RGS7BP: variants seen among roughly 807,000 people sequenced by gnomAD.
The protein encoded by RGS7BP is regulator of G protein signaling 7 binding protein.
Under a neutral mutation model 31.3 loss-of-function variants are expected in RGS7BP, and 9 were observed. That is an observed-to-expected ratio of 0.29 (90% confidence interval 0.17 to 0.50). The LOEUF (loss-of-function observed/expected upper bound fraction) is 0.50, where lower values mean the gene tolerates loss of function less well. RGS7BP is among the 20% of genes least tolerant of loss of function. The pLI is 0.98. For missense variants in RGS7BP, 274 were observed against 322.0 expected, an observed-to-expected ratio of 0.85 and a Z score of 1.14; for synonymous variants, 115 against 120.1, an observed-to-expected ratio of 0.96 and a Z score of 0.28.
At chr5:64,571,137 TA>T (rs764859218) in intron 2 of RGS7BP, among the ~76,000 whole-genome samples, 29 of 152,300 alleles carry the variant, frequency 1.9e-4, no homozygotes, top group Non-Finnish European at 2.6e-4. Context: ...CCATCAGTTT[TA>T]CCTGTTCTAG....
chr5:64,606,504 ACT>A (rs1204978385), intron 5 of RGS7BP, among the ~76,000 whole-genome samples: 6 of 152,092 alleles, frequency 3.9e-5, no homozygotes, highest in Admixed American at 3.9e-4. Flanking sequence ...AGTTTTGGTG[ACT>A]CTGTTTTAGG....
chr5:64,511,752 G>C lies in RGS7BP; in HGVS notation c.332+3875G>C, dbSNP rs150174219. On this transcript the variant is annotated intron_variant, in intron 2 of 5. Coordinates refer to ENST00000334025, the MANE Select transcript of RGS7BP (RefSeq NM_001029875.3). ...TTGACAAAGAATACGTGAAGATTTTGGAGTCAGGCAGACCTGGAATGAGTG... is the reference window on the plus strand; with the variant it reads ...TTGACAAAGAATACGTGAAGATTTTCGAGTCAGGCAGACCTGGAATGAGTG... Among the ~76,000 whole-genome samples, 73 of 152,318 alleles carry C rather than the reference G, an allele frequency of 4.8e-4. 1 individual carries two copies. Among genetic ancestry groups the C allele is most frequent in the African/African-American group, 1.7e-3 (70 of 41,572 alleles).
At chr5:64,594,608 G>T in intron 3 of RGS7BP, 102 bp from the exon 4 acceptor site, 2 of 1,054,228 alleles carry the variant, frequency 1.9e-6, no homozygotes, top group South Asian at 2.9e-5. Context: ...TGGAACATTT[G>T]ACTCAAAGCA....
chr5:64,536,972 T>G (rs1741391963), intron 2 of RGS7BP, among the ~76,000 whole-genome samples: 1 of 152,224 alleles, frequency 6.6e-6, no homozygotes, highest in African/African-American at 2.4e-5. Flanking sequence ...GATTCTGCAC[T>G]AGGTGTGCAT....
At chr5:64,539,964 T>C (rs531851763) in intron 2 of RGS7BP, among the ~76,000 whole-genome samples, 1 of 152,318 alleles carries the variant, frequency 6.6e-6, no homozygotes, top group African/African-American at 2.4e-5. Flanking sequence ...TTCGTTCAAC[T>C]GATTTGCACA....
At chr5:64,543,825 T>A (rs541853713) in intron 2 of RGS7BP, among the ~76,000 whole-genome samples, 3 of 152,112 alleles carry the variant, frequency 2.0e-5, no homozygotes, top group East Asian at 1.9e-4. Flanking sequence ...CTATAAATAA[T>A]GAAAAGAAAA....
intron 2 of RGS7BP, among the ~76,000 whole-genome samples, chr5:64,543,702 G>A (rs1172204168): frequency 1.3e-5 from 2 of 152,206 alleles, no homozygotes; most frequent in Admixed American, 6.5e-5. Context: ...AAAATGACAG[G>A]TTGTAGGAGC....
intron 2 of RGS7BP, among the ~76,000 whole-genome samples, chr5:64,517,839 G>T (rs1749013821): frequency 1.3e-5 from 2 of 152,196 alleles, no homozygotes; most frequent in Admixed American, 6.5e-5. Flanking sequence ...GATAGAGCCT[G>T]CAAGGAGTAT....
chr5:64,581,384 C>G (rs1742593043), intron 3 of RGS7BP, among the ~76,000 whole-genome samples: 1 of 152,104 alleles, frequency 6.6e-6, no homozygotes, highest in Non-Finnish European at 1.5e-5. Context: ...AGTCTCTAGT[C>G]AATTTTTCAT....
chr5:64,550,706 A>G (rs1741772300), intron 2 of RGS7BP, among the ~76,000 whole-genome samples: 1 of 150,234 alleles, frequency 6.7e-6, no homozygotes, highest in African/African-American at 2.5e-5. Flanking sequence ...CATTAGGTAT[A>G]TCTCCTAATG....
intron 3 of RGS7BP, among the ~76,000 whole-genome samples, chr5:64,591,885 A>G (rs1742928129): frequency 6.6e-6 from 1 of 152,192 alleles, no homozygotes; most frequent in African/African-American, 2.4e-5. Context: ...TTGGTAGTAG[A>G]CTTATAGAAT....
intron 3 of RGS7BP, among the ~76,000 whole-genome samples, 187 bp from the exon 4 acceptor site, chr5:64,594,523 C>G (rs1743009690): frequency 6.6e-6 from 1 of 152,142 alleles, no homozygotes; most frequent in Non-Finnish European, 1.5e-5. Flanking sequence ...TGAAAACATG[C>G]TATACACACA....
At chr5:64,530,028 TTAG>T (rs1358541715) in intron 2 of RGS7BP, among the ~76,000 whole-genome samples, 1 of 152,224 alleles carries the variant, frequency 6.6e-6, no homozygotes, top group East Asian at 1.9e-4. Flanking sequence ...ACATTAATTT[TTAG>T]TAGAAGCCAA....
At chr5:64,582,629 G>T (rs1025969119) in intron 3 of RGS7BP, among the ~76,000 whole-genome samples, 5 of 152,156 alleles carry the variant, frequency 3.3e-5, no homozygotes, top group African/African-American at 1.2e-4. Flanking sequence ...GATAAAATAT[G>T]CAGAGGAGAT....
chr5:64,600,221 C>T (rs186909906), intron 5 of RGS7BP, among the ~76,000 whole-genome samples: 1 of 152,238 alleles, frequency 6.6e-6, no homozygotes, highest in African/African-American at 2.4e-5. Context: ...GCTGGCCTCT[C>T]GCCCTCCCTC....
intron 2 of RGS7BP, among the ~76,000 whole-genome samples, chr5:64,519,303 G>T (rs1316778636): frequency 6.6e-6 from 1 of 152,168 alleles, no homozygotes; most frequent in Admixed American, 6.5e-5. Context: ...CGTATTATGG[G>T]CCAGACATTG....
chr5:64,555,843 AG>A (rs1741911108), intron 2 of RGS7BP, among the ~76,000 whole-genome samples: 1 of 152,204 alleles, frequency 6.6e-6, no homozygotes, highest in Non-Finnish European at 1.5e-5. Flanking sequence ...ACACAATGCT[AG>A]AAACATTGAA....
intron 3 of RGS7BP, among the ~76,000 whole-genome samples, chr5:64,591,209 T>A (rs1742905418): frequency 6.6e-6 from 1 of 152,034 alleles, no homozygotes; most frequent in Non-Finnish European, 1.5e-5. Context: ...CCCAACCCAT[T>A]GTTTAAATGG....
rs567234997 is a variant in RGS7BP at position 64,582,933 on chromosome 5, G to T, written c.463+7029G>T. Among the ~76,000 whole-genome samples, 3 of 152,296 alleles carry T rather than the reference G, an allele frequency of 2.0e-5. No homozygotes were observed. The East Asian group carries it at 5.8e-4, about 29-fold the overall frequency. On this transcript the variant is annotated intron_variant, in intron 3 of 5. Coordinates refer to ENST00000334025, the MANE Select transcript of RGS7BP (RefSeq NM_001029875.3). ...TATTTCCTAATGGAATGAGGCAATT[G>T]ATACTAAAATAGAACAATGGATTAG... is the stretch of plus-strand genomic sequence containing the variant.
Sources: gnomAD v4.1 joint callset for allele counts (sites outside exome capture counted in the v4.1 genomes callset) on GRCh38, gnomAD v4.1.1 for gene constraint, MANE v1.5 for transcripts, NCBI Gene and HGNC (gene_info 2026-07-23, HGNC 2026-07-21) for gene names.